Variants in DNASE1L3 observed in about 807,000 individuals in gnomAD.
The protein encoded by DNASE1L3 is deoxyribonuclease 1L3.
Under a neutral mutation model 30.9 loss-of-function variants are expected in DNASE1L3, and 27 were observed. That is an observed-to-expected ratio of 0.87 (90% CI 0.64 to 1.20). The LOEUF is 1.20. DNASE1L3 is among the 50% of genes most tolerant of loss of function. The pLI, the probability that DNASE1L3 is intolerant of heterozygous loss-of-function variation, is 0.00. For synonymous variants in DNASE1L3, 135 were observed against 138.0 expected (o/e 0.98, Z 0.15); for missense variants, 364 against 378.2 (o/e 0.96, Z 0.31).
At position 58,201,084 on chromosome 3, in the gene DNASE1L3, G is replaced by C. The variant is rs1390893733; in HGVS notation, c.459C>G (p.Pro153=). The C allele has an allele frequency of 6.2e-7, 1 of 1,610,640 alleles. No homozygotes were observed. Among genetic ancestry groups the C allele is most frequent in the South Asian group, 1.1e-5 (1 of 90,440 alleles). ...HTAVKDFVII[P]LHTTPETSVK... Reference sequence around the variant, plus strand: ...CGGATGTCTCTGGGGTGGTGTGCAGGGGGATAATCACGAAGTCTTTGACAG... The same window carrying C: ...CGGATGTCTCTGGGGTGGTGTGCAGCGGGATAATCACGAAGTCTTTGACAG... Residue 153 remains proline (P), a synonymous_variant, in exon 5 of 8, where the codon CCC becomes CCG. Coordinates refer to ENST00000394549, the MANE Select transcript of DNASE1L3 (RefSeq NM_004944.4).
chr3:58,203,927 G>C (rs1195408273), intron 4 of DNASE1L3, among the ~76,000 whole-genome samples: 1 of 152,170 alleles, frequency 6.6e-6, no homozygotes, highest in Non-Finnish European at 1.5e-5. Flanking sequence ...GAAATGTAAA[G>C]TGGAGATAAT....
Position 58,197,063 on chromosome 3 carries a change from G to C in DNASE1L3, c.704+758C>G. 6.6e-6 allele frequency among the ~76,000 whole-genome samples: 1 copy of C among 152,158 alleles called. No homozygotes were observed. Among genetic ancestry groups the C allele is most frequent in the South Asian group, 2.1e-4 (1 of 4,828 alleles). On this transcript the variant is annotated intron_variant, in intron 6 of 7. Transcript: ENST00000394549. This position sits in a 1 kb window ranked among gnomAD's most constrained non-coding sequence, Gnocchi z 5.3. The stretch of plus-strand genomic sequence containing the variant: ...GATGGGGATTGGGCGCATCAATTGC[G>C]GTAAGTCTTTGTGATGGAACAATGA...
At chr3:58,208,152 C>G (rs547501574) in intron 2 of DNASE1L3, 66 bp downstream of exon 2, 1 of 1,495,920 alleles carries the variant, frequency 6.7e-7, no homozygotes, top group East Asian at 2.3e-5. Flanking sequence ...TTTCAGTTCC[C>G]AGGGGTTTTC....
rs1307768594 is a variant in DNASE1L3 at position 58,194,371 on chromosome 3, A to T, written c.705-932T>A. 3.3e-5 allele frequency among the ~76,000 whole-genome samples: 4 copies of T among 121,488 alleles called. No individual in the cohort carries two copies. The East Asian group carries it at 1.0e-3, about 32-fold the overall frequency. The allele number at this position is 121,488 out of a possible 152,430, so 79.7% of individuals were successfully genotyped here. A position where few individuals can be genotyped will look rare whatever the true frequency, so the allele number is the denominator to read the frequency against. On this transcript the variant is annotated intron_variant, in intron 6 of 7. Coordinates refer to ENST00000394549, the MANE Select transcript of DNASE1L3 (RefSeq NM_004944.4). ...AGTCATGCTCTGTCACCCAGGTTGG[A>T]GTGCAGTGCGCCATCTCAGCTCACT...
At chr3:58,202,317 G>GTTTTTTTT (rs1171213238) in intron 4 of DNASE1L3, among the ~76,000 whole-genome samples, 4 of 48,842 alleles carry the variant, frequency 8.2e-5, no homozygotes, top group African/African-American at 1.7e-4. Context: ...GGCTAGCTTT[G>GTTTTTTTT]TTTTTTTTTT....
In DNASE1L3 at chr3:58,210,631, G is replaced by T. The variant is rs2097407134; in HGVS notation, c.141+135C>A. 2.3e-5 allele frequency: 30 copies of T among 1,329,308 alleles called. No individual in the cohort carries two copies. In the South Asian group the frequency reaches 3.9e-4, roughly 17 times the overall value. The allele number at this position is 1,329,308 out of a possible 1,614,324, so 82.3% of individuals were successfully genotyped here. ...ACGGCAGGAGGTACAGAGAGTTGAA[G>T]TGGTTATTGTTCCAAGCCAGCTTCT... On this transcript the variant is annotated intron_variant, in intron 1 of 7. Transcript: ENST00000394549.
intron 2 of DNASE1L3, among the ~76,000 whole-genome samples, chr3:58,207,472 A>T (rs917493389): frequency 8.9e-6 from 1 of 112,492 alleles, no homozygotes; most frequent in Non-Finnish European, 1.9e-5. Context: ...AGTAACCACT[A>T]TTAATAGTTT....
At chr3:58,202,530 G>C (rs2097401447) in intron 4 of DNASE1L3, among the ~76,000 whole-genome samples, 2 of 151,578 alleles carry the variant, frequency 1.3e-5, no homozygotes, top group Non-Finnish European at 2.9e-5. Context: ...ACAGGCATGA[G>C]CCACCGAGCC....
chr3:58,208,141 C>T, intron 2 of DNASE1L3, 77 bp downstream of exon 2: 4 of 1,418,756 alleles, frequency 2.8e-6, no homozygotes, highest in Non-Finnish European at 4.0e-6. Context: ...TCTCACATTA[C>T]TTTCAGTTCC....
chr3:58,193,771 A>G (rs2097395612), intron 6 of DNASE1L3, among the ~76,000 whole-genome samples: 2 of 152,154 alleles, frequency 1.3e-5, no homozygotes, highest in African/African-American at 4.8e-5. Context: ...TCCTTTTTCA[A>G]TTATTTTTCA....
rs574649748 is a variant in DNASE1L3 at position 58,198,554 on chromosome 3, C to T, written c.547-576G>A. ...AAATTGAGTCACAGTTTTGATGAGT[C>T]GATGACAGGCGAGTGCGTACCAGGG... On this transcript the variant is annotated intron_variant, in intron 5 of 7. Transcript: ENST00000394549. 3.3e-5 allele frequency among the ~76,000 whole-genome samples: 5 copies of T among 152,208 alleles called. No homozygotes were observed. In the East Asian group the frequency reaches 9.6e-4, roughly 29 times the overall value.
intron 2 of DNASE1L3, among the ~76,000 whole-genome samples, chr3:58,206,497 C>G (rs147160355): frequency 0.013 from 1,947 of 152,258 alleles, 44 homozygotes; most frequent in African/African-American, 0.044. Context: ...CATAGCCTGC[C>G]AAGTCCTGAG....
chr3:58,192,376 C>G lies in DNASE1L3; in HGVS notation c.*311G>C. The G allele has an allele frequency of 5.0e-6, 1 of 201,432 alleles. No individual in the cohort carries two copies. Among genetic ancestry groups the G allele is most frequent in the African/African-American group, 2.3e-5 (1 of 42,748 alleles). The allele number at this position is 201,432 out of a possible 1,614,324, so 12.5% of individuals were successfully genotyped here. A position where few individuals can be genotyped will look rare whatever the true frequency, so the allele number is the denominator to read the frequency against. Reference sequence around the variant, plus strand: ...ACTGAAAGCTGACGCTCTTCCTCCCCCTGCAGCCTCTCGCATGACAGGGTT... The same window carrying G: ...ACTGAAAGCTGACGCTCTTCCTCCCGCTGCAGCCTCTCGCATGACAGGGTT... On this transcript the variant is annotated 3_prime_UTR_variant, in exon 8 of 8. Transcript: ENST00000394549. The surrounding 1 kb of genome is among the most constrained non-coding windows in gnomAD (Gnocchi z 4.8).
At chr3:58,204,053 C>T (rs906684723) in intron 4 of DNASE1L3, among the ~76,000 whole-genome samples, 6 of 151,994 alleles carry the variant, frequency 3.9e-5, no homozygotes, top group East Asian at 1.9e-4. Context: ...TTTCCTCACC[C>T]GCTGCGGCCT....
chr3:58,194,609 C>T (rs147938211), intron 6 of DNASE1L3, among the ~76,000 whole-genome samples: 1,567 of 149,476 alleles, frequency 0.01, 19 homozygotes, highest in Middle Eastern at 0.031. Context: ...TGTAAGCCAC[C>T]GCTCCAGGGC....
In DNASE1L3 at chr3:58,192,988, A is replaced by C; in HGVS notation, c.802-185T>G. On this transcript the variant is annotated intron_variant, in intron 7 of 7. Coordinates refer to ENST00000394549, the MANE Select transcript of DNASE1L3 (RefSeq NM_004944.4). The surrounding 1 kb of genome is among the most constrained non-coding windows in gnomAD (Gnocchi z 4.8). ...ATCAGAAATTTTGGAGGGGCCTCAA[A>C]TCACAGAATCATAGGCATTGAGGGT... is the stretch of plus-strand genomic sequence containing the variant. The C allele has an allele frequency of 2.1e-6, 3 of 1,437,886 alleles. No individual in the cohort carries two copies. The highest frequency in any genetic ancestry group is 2.7e-6 in the Non-Finnish European group (3 of 1,103,760). 89.1% of individuals were successfully genotyped at this position (1,437,886 alleles called of 1,614,324 possible). A position where few individuals can be genotyped will look rare whatever the true frequency, so the allele number is the denominator to read the frequency against.
At position 58,194,810 on chromosome 3, in the gene DNASE1L3, A is replaced by G. The variant is rs540195122; in HGVS notation, c.705-1371T>C. Among the ~76,000 whole-genome samples, 11 of 151,204 alleles carry G rather than the reference A, an allele frequency of 7.3e-5. No homozygotes were observed. In the South Asian group the frequency reaches 2.3e-3, roughly 32 times the overall value. The stretch of plus-strand genomic sequence containing the variant: ...CTGGCTAATTTTTTTTGTATTTTTT[A>G]GTAGAGACGGGGTTTCACTGTGTTA... On this transcript the variant is annotated intron_variant, in intron 6 of 7. Transcript: ENST00000394549.
intron 1 of DNASE1L3, among the ~76,000 whole-genome samples, chr3:58,209,651 C>T (rs572318606): frequency 1.3e-5 from 2 of 152,310 alleles, no homozygotes; most frequent in South Asian, 4.1e-4. Flanking sequence ...CTCATGAATA[C>T]CCACCTTGCT....
intron 6 of DNASE1L3, among the ~76,000 whole-genome samples, chr3:58,196,905 C>T (rs935436510): frequency 1.3e-5 from 2 of 152,134 alleles, no homozygotes; most frequent in East Asian, 1.9e-4. Flanking sequence ...ATATAAATAC[C>T]GTTGCACTAA....
Sources: gnomAD v4.1 joint callset for allele counts (sites outside exome capture counted in the v4.1 genomes callset) on GRCh38, gnomAD v4.1.1 for gene constraint, Gnocchi (gnomAD v3.1) non-coding constraint, MANE v1.5 for transcripts, NCBI Gene and HGNC (gene_info 2026-07-23, HGNC 2026-07-21) for gene names.